The following CROCC variants were observed in gnomAD, a reference collection of about 807,000 sequenced individuals.
The protein encoded by CROCC is ciliary rootlet coiled-coil, rootletin.
A neutral mutation model predicts 245.2 loss-of-function variants in CROCC; 180 were observed. That is an observed-to-expected ratio of 0.73 (90% CI 0.65 to 0.83). The LOEUF is 0.83. CROCC is among the 40% of genes least tolerant of loss of function. CROCC has a pLI of 0.00. For synonymous variants in CROCC, 1,205 were observed against 1,241.6 expected (o/e 0.97, Z 0.62); for missense variants, 2,688 against 2,779.4 (o/e 0.97, Z 0.74).
In CROCC at chr1:16,929,839, C is replaced by G; in HGVS notation, c.352-7C>G. ...CCAGGACTCTCACCCAGGGCCCTTC[C>G]CTGCAGCTGGAGCAGGCTCTGCGGC... On this transcript the variant is annotated splice_region_variant and splice_polypyrimidine_tract_variant and intron_variant, in intron 3 of 36. Coordinates refer to ENST00000375541, the MANE Select transcript of CROCC (RefSeq NM_014675.5). The G allele has an allele frequency of 6.5e-7, 1 of 1,543,796 alleles. No individual in the cohort carries two copies. The highest frequency in any genetic ancestry group is 1.2e-5 in the South Asian group (1 of 83,038).
intron 1 of CROCC, among the ~76,000 whole-genome samples, chr1:16,914,349 G>A (rs1165983981): frequency 6.6e-6 from 1 of 152,222 alleles, no homozygotes; most frequent in Non-Finnish European, 1.5e-5. Context: ...ATCCTGCCCG[G>A]ATTGTCGCGG....
intron 1 of CROCC, among the ~76,000 whole-genome samples, chr1:16,914,768 A>G (rs6421401): frequency 0.86 from 130,066 of 152,078 alleles, 54,970 homozygotes; most frequent in East Asian, 0.89. Context: ...CCTGATTTTC[A>G]CACAGACTTA....
intron 23 of CROCC, 36 bp from the exon 24 acceptor site, chr1:16,955,276 T>G: frequency 6.3e-7 from 1 of 1,593,632 alleles, no homozygotes; most frequent in Non-Finnish European, 8.5e-7. Flanking sequence ...GGGGGGTCCC[T>G]GACCGCTGCC....
chr1:16,931,610 T>C (rs1401123525), intron 8 of CROCC, among the ~76,000 whole-genome samples: 1 of 152,294 alleles, frequency 6.6e-6, no homozygotes, highest in Non-Finnish European at 1.5e-5. Flanking sequence ...GTATATTTCA[T>C]TTCAACTAAT....
Position 16,960,865 on chromosome 1 carries a change from G to T in CROCC, c.4140G>T (p.Gln1380His). ...AGGCGCGTGGCACTGAAAAGCAGCA[G>T]CTGGACCACGCCCGCGGCCTGGAGC... is the stretch of plus-strand genomic sequence containing the variant. ...LEEARGTEKQ[Q>H]LDHARGLELK... The change falls in exon 27 of 37, where the codon CAG becomes CAT. Residue 1380 changes from glutamine (Q) to histidine (H), a missense_variant. Gln to His is a conservative substitution (Grantham distance 24). Around this residue, in one of 9 missense-constraint regions of CROCC, gnomAD observed 1,218 missense variants for 1,286.3 expected, o/e 0.95. Transcript: ENST00000375541. The T allele has an allele frequency of 4.6e-6, 7 of 1,517,602 alleles. No homozygotes were observed. Among genetic ancestry groups the T allele is most frequent in the Non-Finnish European group, 6.1e-6 (7 of 1,139,312 alleles). 94.0% of individuals were successfully genotyped at this position (1,517,602 alleles called of 1,614,324 possible).
Position 16,966,433 on chromosome 1 carries a change from G to A in CROCC, c.4722G>A (p.Leu1574=), listed in dbSNP as rs1311531507. The change falls in exon 30 of 37, where the codon CTG becomes CTA. Residue 1574 remains leucine, a synonymous_variant. Transcript: ENST00000375541. This position sits in a 1 kb window ranked among gnomAD's most constrained non-coding sequence, Gnocchi z 4.8. Reference sequence around the variant, plus strand: ...CCCGGCGCAGTGTGGATGGGCGGCTGAGCGGGGTCCAGGCGGAGCTGGCGC... The same window carrying A: ...CCCGGCGCAGTGTGGATGGGCGGCTAAGCGGGGTCCAGGCGGAGCTGGCGC... ...EEARRSVDGR[L]SGVQAELALQ... The A allele has an allele frequency of 1.3e-6, 2 of 1,537,684 alleles. No individual in the cohort carries two copies. Among genetic ancestry groups the A allele is most frequent in the East Asian group, 2.4e-5 (1 of 41,030 alleles).
chr1:16,956,085 C>A lies in CROCC; in HGVS notation c.3793C>A (p.Arg1265=), dbSNP rs773359570. ...TAVGKEAGEL[R]TGLQEVERSR... Reference sequence around the variant, plus strand: ...TGTGGGCAAGGAGGCCGGGGAGCTGCGAACTGGGCTGCAGGAGGTGGAGCG... The same window carrying A: ...TGTGGGCAAGGAGGCCGGGGAGCTGAGAACTGGGCTGCAGGAGGTGGAGCG... Residue 1265 remains arginine, a synonymous_variant, in exon 25 of 37, where the codon CGA becomes AGA. Coordinates refer to ENST00000375541, the MANE Select transcript of CROCC (RefSeq NM_014675.5). The A allele has an allele frequency of 1.9e-6, 3 of 1,550,980 alleles. No individual in the cohort carries two copies. The South Asian group carries it at 3.6e-5, about 18-fold the overall frequency.
Position 16,924,597 on chromosome 1 carries a change from G to A in CROCC, c.351+118G>A, listed in dbSNP as rs192823125. On this transcript the variant is annotated intron_variant, in intron 3 of 36. Coordinates refer to ENST00000375541, the MANE Select transcript of CROCC (RefSeq NM_014675.5). ...TGGGCCCTGGAGTCAGGTTGGCCTG[G>A]GCTTGGATTGAGGCTCTGCCACCTT... is the stretch of plus-strand genomic sequence containing the variant. 9.4e-5 allele frequency: 129 copies of A among 1,375,956 alleles called. No individual in the cohort carries two copies. In the Admixed American group the frequency reaches 2.9e-3, roughly 31 times the overall value. 85.2% of individuals were successfully genotyped at this position (1,375,956 alleles called of 1,614,324 possible).
chr1:16,949,127 G>T (rs142513742), intron 19 of CROCC, among the ~76,000 whole-genome samples: 29,770 of 151,530 alleles, frequency 0.2, 1,261 homozygotes, highest in African/African-American at 0.26. Flanking sequence ...CTCAGCTGAT[G>T]ATTGGAGGTG....
chr1:16,920,049 G>A (rs1487695965), upstream of CROCC, among the ~76,000 whole-genome samples: 2 of 151,684 alleles, frequency 1.3e-5, no homozygotes, highest in African/African-American at 4.8e-5. Context: ...ATGCCACCAC[G>A]CCCCAGCTAA....
intron 23 of CROCC, 31 bp from the exon 24 acceptor site, chr1:16,955,281 G>T: frequency 6.3e-7 from 1 of 1,595,366 alleles, no homozygotes; most frequent in Non-Finnish European, 8.5e-7. Flanking sequence ...GTCCCTGACC[G>T]CTGCCCTGGG....
chr1:16,919,119 T>A (rs569038469), upstream of CROCC, among the ~76,000 whole-genome samples: 82 of 152,328 alleles, frequency 5.4e-4, no homozygotes, highest in African/African-American at 1.9e-3. Flanking sequence ...GTTTCTTGGT[T>A]TTCCATTTGC....
chr1:16,949,205 G>T (rs2076117807), intron 19 of CROCC, among the ~76,000 whole-genome samples: 2 of 152,290 alleles, frequency 1.3e-5, no homozygotes, highest in Admixed American at 1.3e-4. Context: ...GTGGCACGGT[G>T]CCTGGCTGAG....
chr1:16,936,435 T>C (rs1344410408), intron 8 of CROCC, among the ~76,000 whole-genome samples: 3 of 152,268 alleles, frequency 2.0e-5, no homozygotes, highest in African/African-American at 7.2e-5. Flanking sequence ...GCCTGGCTAA[T>C]TTTTTGTATT....
chr1:16,945,375 C>T, intron 14 of CROCC, 87 bp from the exon 15 acceptor site: 4 of 1,578,514 alleles, frequency 2.5e-6, no homozygotes, highest in Non-Finnish European at 3.4e-6. Context: ...TGCCTCAGGC[C>T]TGGTCCCCAG....
In CROCC at chr1:16,971,462, C is replaced by T. The variant is rs1283518612; in HGVS notation, c.5785-3C>T. ...GAACGCGGACCACAGCCCCTCCCTG[C>T]AGGCGCAGGTGGTGGTGCTGGAGCA... is the stretch of plus-strand genomic sequence containing the variant. On this transcript the variant is annotated splice_region_variant and splice_polypyrimidine_tract_variant and intron_variant, in intron 35 of 36. Coordinates refer to ENST00000375541, the MANE Select transcript of CROCC (RefSeq NM_014675.5). The T allele has an allele frequency of 9.8e-6, 15 of 1,532,336 alleles. No individual in the cohort carries two copies. The highest frequency in any genetic ancestry group is 2.3e-4 in the Middle Eastern group (1 of 4,414). 94.9% of individuals were successfully genotyped at this position (1,532,336 alleles called of 1,614,324 possible).
intron 19 of CROCC, 76 bp from the exon 20 acceptor site, chr1:16,950,877 T>C: frequency 7.5e-7 from 1 of 1,329,526 alleles, no homozygotes; most frequent in Non-Finnish European, 1.0e-6. Flanking sequence ...CCCATGTGGC[T>C]CACCTGGCCT....
At chr1:16,946,134 T>C (rs1312152516) in intron 15 of CROCC, 125 bp from the exon 16 acceptor site, 33,359 of 1,064,886 alleles carry the variant, frequency 0.031, no homozygotes, top group Middle Eastern at 0.05. Context: ...CATCTCACAC[T>C]GTGTCCCCTC....
At chr1:16,953,892 A>T (rs1245232282) in intron 21 of CROCC, 1 of 245,312 alleles carries the variant, frequency 4.1e-6, no homozygotes, top group Non-Finnish European at 7.1e-6. Context: ...GACTGTGCCC[A>T]TCTCCTCTCC....
Sources: gnomAD v4.1 joint callset for allele counts (sites outside exome capture counted in the v4.1 genomes callset) on GRCh38, gnomAD v4.1.1 for gene constraint, gnomAD v4.1.1 regional missense constraint, Gnocchi (gnomAD v3.1) non-coding constraint, MANE v1.5 for transcripts, NCBI Gene and HGNC (gene_info 2026-07-23, HGNC 2026-07-21) for gene names.